Variants in PRDM11 observed in about 807,000 individuals in gnomAD.
The protein encoded by PRDM11 is PR domain-containing protein 11.
PRDM11 carries 20 observed loss-of-function variants against 97.8 expected under a neutral mutation model. The ratio of observed to expected loss-of-function variants is 0.20; its 90% confidence interval spans 0.14 to 0.30. The LOEUF (loss-of-function observed/expected upper bound fraction) is 0.30, where lower values mean the gene tolerates loss of function less well. Among genes scored for constraint, PRDM11 ranks in the 10% least tolerant of loss-of-function variants. PRDM11 has a pLI of 1.00. For synonymous variants in PRDM11, 599 were observed against 637.7 expected (o/e 0.94, Z 0.91); for missense variants, 1,139 against 1,555.2 (o/e 0.73, Z 4.50).
intron 1 of PRDM11, among the ~76,000 whole-genome samples, chr11:45,175,005 G>C (rs1852292778): frequency 6.6e-6 from 1 of 152,106 alleles, no homozygotes; most frequent in South Asian, 2.1e-4. Context: ...AGCAGTTTTA[G>C]GTTCACAGCA....
chr11:45,145,056 T>G (rs1851477137), upstream of PRDM11, among the ~76,000 whole-genome samples: 1 of 152,000 alleles, frequency 6.6e-6, no homozygotes, highest in South Asian at 2.1e-4. Flanking sequence ...AAACTTACAG[T>G]TGCATTGAAC....
chr11:45,170,570 G>A lies in PRDM11; in HGVS notation c.-6-11191G>A, dbSNP rs111590467. 3.7e-3 allele frequency among the ~76,000 whole-genome samples: 559 copies of A among 151,234 alleles called. 3 individuals carry two copies. Among genetic ancestry groups the A allele is most frequent in the African/African-American group, 0.012 (508 of 41,104 alleles). On this transcript the variant is annotated intron_variant, in intron 1 of 7. Coordinates refer to ENST00000683152, the MANE Select transcript of PRDM11 (RefSeq NM_001384648.1). Reference sequence around the variant, plus strand: ...GGCAGCCCCTGTGGCTGTGATGTGGGGTGGGGAGTAGGAAGGGAGGAAATC... The same window carrying A: ...GGCAGCCCCTGTGGCTGTGATGTGGAGTGGGGAGTAGGAAGGGAGGAAATC...
rs1257256030 is a variant in PRDM11, at chr11:45,229,551, A to C, written c.*1392A>C. ...AATATACAATATAAGCTTTAGAAAT[A>C]GCCACTTGCCTATTCCCTGGGGCAA... On this transcript the variant is annotated 3_prime_UTR_variant, in exon 8 of 8. Transcript: ENST00000683152. 4 of 152,176 alleles carry C rather than the reference A, an allele frequency of 2.6e-5. No individual in the cohort carries two copies. The highest frequency in any genetic ancestry group is 4.4e-5 in the Non-Finnish European group (3 of 68,054). The allele number at this position is 152,176 out of a possible 1,614,324, so 9.4% of individuals were successfully genotyped here. A position where few individuals can be genotyped will look rare whatever the true frequency, so the allele number is the denominator to read the frequency against.
At position 45,200,632 on chromosome 11, in the gene PRDM11, T is replaced by C. The variant is rs1293048437; in HGVS notation, c.487-4079T>C. Among the ~76,000 whole-genome samples, 7 of 152,308 alleles carry C rather than the reference T, an allele frequency of 4.6e-5. No individual in the cohort carries two copies. The East Asian group carries it at 7.7e-4, about 17-fold the overall frequency. On this transcript the variant is annotated intron_variant, in intron 4 of 7. Transcript: ENST00000683152. ...TGGCTGTAGGAACTAGAGATGCTTC[T>C]CTTTTCCCCCAGGAGACAGGGGAGC...
intron 5 of PRDM11, among the ~76,000 whole-genome samples, chr11:45,217,220 C>T (rs1853981641): frequency 6.6e-6 from 1 of 152,156 alleles, no homozygotes; most frequent in African/African-American, 2.4e-5. Context: ...GGAGAAAAGA[C>T]TGACTCACAG....
At chr11:45,142,506 G>A (rs563345576), upstream of PRDM11, among the ~76,000 whole-genome samples, 133 of 152,132 alleles carry the variant, frequency 8.7e-4, no homozygotes, top group African/African-American at 2.9e-3. Flanking sequence ...TCACTCCCAC[G>A]CCACTATTCC....
At chr11:45,108,996 A>G (rs1852117497) in intron 1 of PRDM11, among the ~76,000 whole-genome samples, 1 of 152,230 alleles carries the variant, frequency 6.6e-6, no homozygotes, top group African/African-American at 2.4e-5. Context: ...CTTCCAGTGA[A>G]GAAAGTTGCC....
At chr11:45,224,092 G>A in intron 6 of PRDM11, 125 bp from the exon 7 acceptor site, 1 of 1,163,508 alleles carries the variant, frequency 8.6e-7, no homozygotes, top group Admixed American at 2.3e-5. Context: ...TGCAACACTT[G>A]CCCCAAAAGC....
chr11:45,211,284 G>A (rs1197247420), intron 5 of PRDM11, among the ~76,000 whole-genome samples: 2 of 152,200 alleles, frequency 1.3e-5, no homozygotes, highest in Non-Finnish European at 2.9e-5. Flanking sequence ...GGACCCCTGG[G>A]AGGCATGAGG....
At chr11:45,187,825 T>A (rs979327506) in intron 4 of PRDM11, among the ~76,000 whole-genome samples, 1 of 151,902 alleles carries the variant, frequency 6.6e-6, no homozygotes, top group South Asian at 2.1e-4. Context: ...TGTGTGTGTG[T>A]GTGTGTGTAT....
intron 1 of PRDM11, among the ~76,000 whole-genome samples, chr11:45,137,388 G>A (rs1377458509): frequency 6.6e-5 from 10 of 151,210 alleles, no homozygotes; most frequent in Non-Finnish European, 1.3e-4. Flanking sequence ...AGCTGAGATC[G>A]CAGCACTGCA....
At chr11:45,135,524 C>A (rs183421134) in intron 1 of PRDM11, among the ~76,000 whole-genome samples, 30 of 151,996 alleles carry the variant, frequency 2.0e-4, no homozygotes, top group Middle Eastern at 3.4e-3. Flanking sequence ...ACAGCAAGGA[C>A]AATTTAGAAA....
At chr11:45,120,158 A>G (rs894585556) in intron 1 of PRDM11, among the ~76,000 whole-genome samples, 3 of 152,254 alleles carry the variant, frequency 2.0e-5, no homozygotes, top group Admixed American at 6.5e-5. Flanking sequence ...CTGGAACTCA[A>G]TAGAAATTAT....
At chr11:45,174,221 C>T (rs1032130718) in intron 1 of PRDM11, among the ~76,000 whole-genome samples, 10 of 152,134 alleles carry the variant, frequency 6.6e-5, no homozygotes, top group African/African-American at 2.4e-4. Context: ...TGTAGTTTGT[C>T]TATTCTCATT....
At chr11:45,182,736 G>A (rs557779714) in intron 3 of PRDM11, 125 bp from the exon 4 acceptor site, 42 of 1,216,446 alleles carry the variant, frequency 3.5e-5, no homozygotes, top group Admixed American at 4.7e-5. Context: ...TATTGCTACC[G>A]ATGACCCTGG....
chr11:45,095,416 G>C (rs1465898856), upstream of PRDM11, among the ~76,000 whole-genome samples: 1 of 152,186 alleles, frequency 6.6e-6, no homozygotes, highest in Non-Finnish European at 1.5e-5. Context: ...ATCATGTTGG[G>C]GACAGGAGAT....
chr11:45,226,557 G>C lies in PRDM11; in HGVS notation c.1932G>C (p.Leu644=), dbSNP rs1285836959. ...QILIHHIARA[L]REDLVERIRQ... ...TCATCCATCACATCGCCCGGGCCCT[G>C]CGGGAAGACCTGGTGGAGCGCATCC... Residue 644 remains leucine (L), a synonymous_variant, in exon 8 of 8, where the codon CTG becomes CTC. Coordinates refer to ENST00000683152, the MANE Select transcript of PRDM11 (RefSeq NM_001384648.1). The C allele has an allele frequency of 6.5e-7, 1 of 1,533,962 alleles. No homozygotes were observed. The highest frequency in any genetic ancestry group is 2.0e-5 in the Admixed American group (1 of 50,996).
chr11:45,158,613 C>T (rs1266459194), intron 1 of PRDM11, among the ~76,000 whole-genome samples: 1 of 152,192 alleles, frequency 6.6e-6, no homozygotes, highest in Non-Finnish European at 1.5e-5. Context: ...TCTGCTGTAC[C>T]CGACTTGGTT....
At chr11:45,138,183 G>A (rs376242163) in intron 1 of PRDM11, among the ~76,000 whole-genome samples, 5 of 151,940 alleles carry the variant, frequency 3.3e-5, no homozygotes, top group African/African-American at 1.2e-4. Context: ...CCAATGAACA[G>A]GGGGGAAAAA....
Sources: gnomAD v4.1 joint callset for allele counts (sites outside exome capture counted in the v4.1 genomes callset) on GRCh38, gnomAD v4.1.1 for gene constraint, MANE v1.5 for transcripts, NCBI Gene and HGNC (gene_info 2026-07-23, HGNC 2026-07-21) for gene names.